The following FETUB variants were observed in gnomAD, a reference collection of about 807,000 sequenced individuals.
FETUB encodes fetuin B, also known as fetuin-B.
A neutral mutation model predicts 30.9 loss-of-function variants in FETUB; 28 were observed. The ratio of observed to expected loss-of-function variants is 0.90; its 90% CI spans 0.67 to 1.24. FETUB has a LOEUF of 1.24. Ranked by LOEUF, FETUB falls within the 50% of genes most tolerant of loss-of-function variation. FETUB has a pLI of 0.00. For missense variants in FETUB, 469 were observed against 455.3 expected (o/e 1.03, Z -0.27); for synonymous variants, 186 against 175.9 (o/e 1.06, Z -0.45).
rs963363681 is a variant in FETUB at position 186,642,264 on chromosome 3, G to A, written c.337-207G>A. 3.5e-5 allele frequency: 19 copies of A among 537,146 alleles called. 1 individual carries two copies. The highest frequency in any genetic ancestry group is 5.9e-5 in the Non-Finnish European group (18 of 303,402). 33.3% of individuals were successfully genotyped at this position (537,146 alleles called of 1,614,324 possible). A position where few individuals can be genotyped will look rare whatever the true frequency, so the allele number is the denominator to read the frequency against. On this transcript the variant is annotated intron_variant, in intron 2 of 6. Coordinates refer to ENST00000265029, the MANE Select transcript of FETUB (RefSeq NM_014375.3). ...CAATTATACACAGTCACACGTGTTG[G>A]GGAGGCTTGGAAACATATTCTAGCT...
chr3:186,647,385 T>C (rs148233645), intron 5 of FETUB, among the ~76,000 whole-genome samples: 10 of 152,250 alleles, frequency 6.6e-5, no homozygotes, highest in African/African-American at 2.4e-5. Context: ...AACAAAAAAA[T>C]GCTCCATGTT....
chr3:186,649,493 A>G (rs1717817474), intron 5 of FETUB, among the ~76,000 whole-genome samples: 1 of 151,930 alleles, frequency 6.6e-6, no homozygotes, highest in Non-Finnish European at 1.5e-5. Flanking sequence ...TTTTTGAGAC[A>G]GAATTTTGCT....
intron 4 of FETUB, among the ~76,000 whole-genome samples, chr3:186,645,721 C>CT (rs35992832): frequency 0.037 from 2,945 of 79,532 alleles, 94 homozygotes; most frequent in African/African-American, 0.061. Context: ...CCATTCAAAT[C>CT]TTTTTTTTTT....
intron 3 of FETUB, among the ~76,000 whole-genome samples, chr3:186,643,320 C>T (rs1479266140): frequency 1.3e-5 from 2 of 152,140 alleles, no homozygotes; most frequent in Admixed American, 6.5e-5. Flanking sequence ...TATGCACATG[C>T]ATTCATTTGG....
At chr3:186,645,352 C>A (rs7627277) in intron 4 of FETUB, among the ~76,000 whole-genome samples, 2 of 151,824 alleles carry the variant, frequency 1.3e-5, no homozygotes, top group African/African-American at 2.4e-5. Flanking sequence ...ATGTTGATTT[C>A]TTTCCTTCTT....
At chr3:186,649,556 C>A (rs1209946065) in intron 5 of FETUB, among the ~76,000 whole-genome samples, 1 of 152,088 alleles carries the variant, frequency 6.6e-6, no homozygotes, top group Admixed American at 6.6e-5. Context: ...TGCAAACCTC[C>A]ACCTCCTGGG....
chr3:186,645,513 G>T (rs1717430495), intron 4 of FETUB, among the ~76,000 whole-genome samples: 1 of 151,956 alleles, frequency 6.6e-6, no homozygotes, highest in Non-Finnish European at 1.5e-5. Flanking sequence ...TTTTTGTAGA[G>T]ATTGGGTCTC....
chr3:186,645,313 G>A (rs984356708), intron 4 of FETUB, among the ~76,000 whole-genome samples: 1 of 152,130 alleles, frequency 6.6e-6, no homozygotes. Context: ...ATGGATTAGG[G>A]AAAATGAAGG....
At chr3:186,639,627 A>G (rs111993713), upstream of FETUB, among the ~76,000 whole-genome samples, 5,985 of 149,380 alleles carry the variant, frequency 0.04, 230 homozygotes, top group African/African-American at 0.098. Flanking sequence ...CCCAATAAGT[A>G]GAACCTTTCT....
Position 186,651,310 on chromosome 3 carries a change from C to T in FETUB, c.780+9C>T. 6.4e-7 allele frequency: 1 copy of T among 1,555,830 alleles called. No individual in the cohort carries two copies. Among genetic ancestry groups the T allele is most frequent in the Non-Finnish European group, 8.9e-7 (1 of 1,127,560 alleles). The stretch of plus-strand genomic sequence containing the variant: ...ACTTCTTTGAATCACAGGTATTTTT[C>T]AATCTAATTGCCTGTCTTTCTGTGA... On this transcript the variant is annotated intron_variant, in intron 6 of 6. Coordinates refer to ENST00000265029, the MANE Select transcript of FETUB (RefSeq NM_014375.3).
In FETUB at chr3:186,646,298, A is replaced by T. The variant is rs1245293298; in HGVS notation, c.645A>T (p.Pro215=). The T allele has an allele frequency of 1.2e-6, 2 of 1,613,962 alleles. No individual in the cohort carries two copies. Among genetic ancestry groups the T allele is most frequent in the Non-Finnish European group, 1.7e-6 (2 of 1,179,974 alleles). ...YFVEYLIKES[P]CTKSQASSCS... Reference sequence around the variant, plus strand: ...TGGAATACTTAATTAAAGAATCACCATGTACTAAATCCCAGGCCAGCAGCT... The same window carrying T: ...TGGAATACTTAATTAAAGAATCACCTTGTACTAAATCCCAGGCCAGCAGCT... The change falls in exon 5 of 7, where the codon CCA becomes CCT. Residue 215 remains proline, a synonymous_variant. Coordinates refer to ENST00000265029, the MANE Select transcript of FETUB (RefSeq NM_014375.3).
chr3:186,649,167 C>G (rs1717787707), intron 5 of FETUB, among the ~76,000 whole-genome samples: 1 of 152,158 alleles, frequency 6.6e-6, no homozygotes, highest in African/African-American at 2.4e-5. Flanking sequence ...TCTGAGAGCC[C>G]CTCCTCTTTG....
At chr3:186,648,482 G>T (rs1271355979) in intron 5 of FETUB, among the ~76,000 whole-genome samples, 1 of 152,128 alleles carries the variant, frequency 6.6e-6, no homozygotes, top group African/African-American at 2.4e-5. Flanking sequence ...TGGATGCCTT[G>T]AATTCTCATG....
intron 5 of FETUB, chr3:186,647,068 T>G (rs1435578752): frequency 6.6e-6 from 1 of 152,276 alleles, no homozygotes; most frequent in African/African-American, 2.4e-5. Flanking sequence ...TGGCTTTGCC[T>G]ATTCTGGACA....
chr3:186,652,657 G>T lies in FETUB; in HGVS notation c.*26G>T, dbSNP rs1579059462. ...GAATCACACAGAGTCTTCTGTAGGG[G>T]TATGGTGCGCCGCATGACATGGGAG... is the stretch of plus-strand genomic sequence containing the variant. On this transcript the variant is annotated 3_prime_UTR_variant, in exon 7 of 7. Transcript: ENST00000265029. The T allele has an allele frequency of 6.4e-7, 1 of 1,571,022 alleles. No individual in the cohort carries two copies. The highest frequency in any genetic ancestry group is 8.6e-7 in the Non-Finnish European group (1 of 1,161,648).
intron 5 of FETUB, among the ~76,000 whole-genome samples, chr3:186,648,478 C>T (rs1379678349): frequency 6.6e-6 from 1 of 152,184 alleles, no homozygotes; most frequent in Non-Finnish European, 1.5e-5. Context: ...ATCCTGGATG[C>T]CTTGAATTCT....
intron 5 of FETUB, among the ~76,000 whole-genome samples, chr3:186,650,778 CTACTT>C (rs1305290970): frequency 1.3e-5 from 2 of 152,058 alleles, no homozygotes; most frequent in African/African-American, 4.8e-5. Context: ...GGAAACAAAG[CTACTT>C]TACTTTTAAG....
chr3:186,648,058 C>G (rs1267387487), intron 5 of FETUB, among the ~76,000 whole-genome samples: 1 of 152,006 alleles, frequency 6.6e-6, no homozygotes, highest in East Asian at 1.9e-4. Context: ...GTACTTAAGA[C>G]AGTGTCTTGG....
chr3:186,647,307 A>G (rs1332813533), intron 5 of FETUB: 1 of 152,160 alleles, frequency 6.6e-6, no homozygotes, highest in Non-Finnish European at 1.5e-5. Flanking sequence ...ACAAGTTTTT[A>G]TGTACACATA....
Sources: allele counts gnomAD v4.1 joint callset (sites outside exome capture counted in the v4.1 genomes callset), GRCh38; gene constraint gnomAD v4.1.1; transcripts MANE v1.5; gene names NCBI Gene and HGNC (gene_info 2026-07-23, HGNC 2026-07-21).